The following SMG9 variants were observed in gnomAD, a reference collection of about 807,000 sequenced individuals.
SMG9 encodes the protein SMG9 nonsense mediated mRNA decay factor, also known as nonsense-mediated mRNA decay factor SMG9.
A neutral mutation model predicts 64.0 loss-of-function variants in SMG9; 55 were observed. The ratio of observed to expected loss-of-function variants is 0.86; its 90% CI spans 0.69 to 1.08. The LOEUF (loss-of-function observed/expected upper bound fraction) is 1.08, where lower values mean the gene tolerates loss of function less well. Among genes scored for constraint, SMG9 ranks in the 50% least tolerant of loss-of-function variants. The pLI is 0.00. For missense variants in SMG9, 554 were observed against 681.3 expected (o/e 0.81, Z 2.08); for synonymous variants, 244 against 254.8 (o/e 0.96, Z 0.41).
At chr19:43,742,930 A>G (rs1411366107) in intron 6 of SMG9, among the ~76,000 whole-genome samples, 1 of 152,028 alleles carries the variant, frequency 6.6e-6, no homozygotes, top group African/African-American at 2.4e-5. Flanking sequence ...CCTACTAAAA[A>G]TATAAAAATA....
rs181284336 is a variant in SMG9 at position 43,743,788 on chromosome 19, A to G, written c.701+984T>C. Among the ~76,000 whole-genome samples the G allele has an allele frequency of 2.6e-5, 4 of 152,334 alleles. No homozygotes were observed. The East Asian group carries it at 7.7e-4, about 29-fold the overall frequency. ...TTGAGCCTGGGTGAAAGAACAGGAC[A>G]CTGTCTCAAAAATAAATGAATAAAT... is the stretch of plus-strand genomic sequence containing the variant. On this transcript the variant is annotated intron_variant, in intron 6 of 13. Transcript: ENST00000270066.
intron 8 of SMG9, 77 bp downstream of exon 8, chr19:43,738,045 A>G: frequency 7.1e-7 from 1 of 1,403,868 alleles, no homozygotes; most frequent in Non-Finnish European, 1.0e-6. Context: ...GACCACCCAC[A>G]CCCAGCTCTC....
At chr19:43,733,482 T>C in intron 11 of SMG9, 30 bp from the exon 12 acceptor site, 2 of 1,613,568 alleles carry the variant, frequency 1.2e-6, no homozygotes, top group Non-Finnish European at 1.7e-6. Context: ...AGCCTTCAGG[T>C]ACCATGTTGT....
chr19:43,731,472 C>T lies in SMG9; in HGVS notation c.*124G>A, dbSNP rs1237916254. The T allele has an allele frequency of 6.6e-7, 1 of 1,509,658 alleles. No homozygotes were observed. Among genetic ancestry groups the T allele is most frequent in the Non-Finnish European group, 8.9e-7 (1 of 1,126,622 alleles). 93.5% of individuals were successfully genotyped at this position (1,509,658 alleles called of 1,614,324 possible). On this transcript the variant is annotated 3_prime_UTR_variant, in exon 14 of 14. Transcript: ENST00000270066. ...CACCTCATGTCTCTGGGCCGGGAAG[C>T]CACGATCCCTCATCCATCAGGCCTG...
intron 7 of SMG9, among the ~76,000 whole-genome samples, chr19:43,739,287 T>C (rs995083918): frequency 6.6e-5 from 10 of 152,230 alleles, no homozygotes; most frequent in Admixed American, 4.6e-4. Context: ...ACCTAACTCC[T>C]GTTGGGTGCT....
At chr19:43,748,116 C>G in intron 2 of SMG9, 64 bp from the exon 3 acceptor site, 5 of 1,528,596 alleles carry the variant, frequency 3.3e-6, no homozygotes, top group Non-Finnish European at 4.4e-6. Flanking sequence ...CTTTATGTAC[C>G]ATGAACTATT....
Position 43,734,500 on chromosome 19 carries a change from G to A in SMG9, c.996-5C>T, listed in dbSNP as rs779436941. 1 of 1,550,478 alleles carries A rather than the reference G, an allele frequency of 6.4e-7. No homozygotes were observed. The highest frequency in any genetic ancestry group is 1.2e-5 in the South Asian group (1 of 84,152). On this transcript the variant is annotated splice_region_variant and splice_polypyrimidine_tract_variant and intron_variant, in intron 9 of 13. Coordinates refer to ENST00000270066, the MANE Select transcript of SMG9 (RefSeq NM_019108.4). The stretch of plus-strand genomic sequence containing the variant: ...ATCTCTGCTGTCTGCAGGAACCTTG[G>A]GGTTTGGGGTGAGTGGCTGTTGCTC...
chr19:43,750,015 C>T (rs74422307), intron 2 of SMG9, among the ~76,000 whole-genome samples: 1 of 152,348 alleles, frequency 6.6e-6, no homozygotes, highest in Non-Finnish European at 1.5e-5. Context: ...AGACTTTGCA[C>T]AGTGCAAGCA....
chr19:43,740,762 G>A (rs1002729615), intron 6 of SMG9, among the ~76,000 whole-genome samples: 3 of 152,090 alleles, frequency 2.0e-5, no homozygotes, highest in South Asian at 2.1e-4. Context: ...CAGTGAGAGA[G>A]AGTTTGGGTC....
At position 43,731,712 on chromosome 19, in the gene SMG9, G is replaced by A; in HGVS notation, c.1485-38C>T. On this transcript the variant is annotated intron_variant, in intron 13 of 13. Coordinates refer to ENST00000270066, the MANE Select transcript of SMG9 (RefSeq NM_019108.4). ...CAACAGTCAGGGCTGCCTGGCCGGG[G>A]CTCCCCCCAGCCCAGCACCAACCCG... The A allele has an allele frequency of 1.9e-6, 3 of 1,613,730 alleles. No homozygotes were observed. The South Asian group carries it at 3.3e-5, about 18-fold the overall frequency.
At position 43,738,185 on chromosome 19, in the gene SMG9, G is replaced by A; in HGVS notation, c.846C>T (p.Leu282=). The part of the protein sequence containing the change: ...PILSPSILDH[L]INNDRKLPPE... ...GAGGCAGTTTGCGGTCATTATTGAT[G>A]AGATGGTCTAGGATAGAAGGGCTCA... The change falls in exon 8 of 14, where the codon CTC becomes CTT. Residue 282 remains leucine, a synonymous_variant. Coordinates refer to ENST00000270066, the MANE Select transcript of SMG9 (RefSeq NM_019108.4). The A allele has an allele frequency of 1.2e-6, 2 of 1,614,124 alleles. No individual in the cohort carries two copies. Among genetic ancestry groups the A allele is most frequent in the Non-Finnish European group, 1.7e-6 (2 of 1,180,014 alleles).
intron 9 of SMG9, among the ~76,000 whole-genome samples, chr19:43,736,578 C>A (rs1968674335): frequency 6.6e-6 from 1 of 152,200 alleles, no homozygotes; most frequent in Admixed American, 6.5e-5. Context: ...GGCACACGAG[C>A]CTGAAGGAGA....
At chr19:43,745,347 CTG>C (rs1418087378) in intron 5 of SMG9, among the ~76,000 whole-genome samples, 1 of 151,978 alleles carries the variant, frequency 6.6e-6, no homozygotes, top group Non-Finnish European at 1.5e-5. Flanking sequence ...AGGCTTTCGT[CTG>C]TGTGTGTGTT....
chr19:43,742,983 A>T (rs1362936270), intron 6 of SMG9, among the ~76,000 whole-genome samples: 1 of 151,962 alleles, frequency 6.6e-6, no homozygotes, highest in African/African-American at 2.4e-5. Flanking sequence ...GCTGAGGCAC[A>T]AGAATCGGTT....
chr19:43,738,051 C>CTCTCCAGA, intron 8 of SMG9, 71 bp downstream of exon 8: 1 of 1,448,252 alleles, frequency 6.9e-7, no homozygotes, highest in Non-Finnish European at 9.7e-7. Flanking sequence ...CCACACCCAG[C>CTCTCCAGA]TCTCCAGATC....
At chr19:43,740,279 G>T in intron 6 of SMG9, 61 bp from the exon 7 acceptor site, 1 of 1,179,888 alleles carries the variant, frequency 8.5e-7, no homozygotes. Flanking sequence ...GGATGCATCC[G>T]AAGTGTGACC....
rs554041428 is a variant in SMG9, at chr19:43,754,169, T to C, written c.-7+485A>G. Among the ~76,000 whole-genome samples the C allele has an allele frequency of 1.3e-4, 20 of 152,280 alleles. No homozygotes were observed. The South Asian group carries it at 3.7e-3, about 28-fold the overall frequency. On this transcript the variant is annotated intron_variant, in intron 1 of 13. Coordinates refer to ENST00000270066, the MANE Select transcript of SMG9 (RefSeq NM_019108.4). ...CCAGAACCTCACTATTTGCAAATATTTGGGGAGACTCTCCCGATTCCTGAG... is the reference window on the plus strand; with the variant it reads ...CCAGAACCTCACTATTTGCAAATATCTGGGGAGACTCTCCCGATTCCTGAG...
At chr19:43,736,191 G>A (rs1968660704) in intron 9 of SMG9, among the ~76,000 whole-genome samples, 1 of 152,200 alleles carries the variant, frequency 6.6e-6, no homozygotes, top group Non-Finnish European at 1.5e-5. Flanking sequence ...CTATGTAACA[G>A]GGACTAAGCT....
Position 43,746,771 on chromosome 19 carries a change from G to C in SMG9, c.588+671C>G, listed in dbSNP as rs188764518. Among the ~76,000 whole-genome samples, 3 of 151,816 alleles carry C rather than the reference G, an allele frequency of 2.0e-5. No homozygotes were observed. The East Asian group carries it at 5.8e-4, about 29-fold the overall frequency. On this transcript the variant is annotated intron_variant, in intron 5 of 13. Coordinates refer to ENST00000270066, the MANE Select transcript of SMG9 (RefSeq NM_019108.4). ...GGGATGGATGGGGGTCACTTTGGGG[G>C]AGTGACATTCAAAACAGTTGACACT...
Sources: gnomAD v4.1 joint callset for allele counts (sites outside exome capture counted in the v4.1 genomes callset) on GRCh38, gnomAD v4.1.1 for gene constraint, MANE v1.5 for transcripts, NCBI Gene and HGNC (gene_info 2026-07-23, HGNC 2026-07-21) for gene names.